Variants in SLC4A4 observed in about 807,000 individuals in gnomAD.
The protein encoded by SLC4A4 is electrogenic sodium bicarbonate cotransporter 1.
Under a neutral mutation model 111.5 loss-of-function variants are expected in SLC4A4, and 27 were observed. The ratio of observed to expected loss-of-function variants is 0.24; its 90% confidence interval spans 0.18 to 0.33. The LOEUF (loss-of-function observed/expected upper bound fraction) is 0.33, where lower values mean the gene tolerates loss of function less well. Among genes scored for constraint, SLC4A4 ranks in the 10% least tolerant of loss-of-function variants. SLC4A4 has a pLI of 1.00. For synonymous variants in SLC4A4, 443 were observed against 463.4 expected (o/e 0.96, Z 0.57); for missense variants, 909 against 1,315.5 (o/e 0.69, Z 4.78).
chr4:71,355,081 T>TA (rs1730169305), intron 5 of SLC4A4, among the ~76,000 whole-genome samples: 1 of 152,240 alleles, frequency 6.6e-6, no homozygotes, highest in Admixed American at 6.5e-5. Flanking sequence ...ATGAAGGGCA[T>TA]AAAGCCACAC....
chr4:71,551,593 G>A (rs1476896403), intron 20 of SLC4A4, among the ~76,000 whole-genome samples: 1 of 151,874 alleles, frequency 6.6e-6, no homozygotes, highest in African/African-American at 2.4e-5. Context: ...AAATAATAGA[G>A]TCAAAATGTG....
intron 3 of SLC4A4, among the ~76,000 whole-genome samples, chr4:71,305,772 A>T (rs1381676319): frequency 6.6e-6 from 1 of 152,228 alleles, no homozygotes; most frequent in Non-Finnish European, 1.5e-5. Flanking sequence ...AAAGGAGCTA[A>T]CACGTGGCGT....
At chr4:71,223,758 C>T (rs541471181) in intron 1 of SLC4A4, among the ~76,000 whole-genome samples, 1 of 152,052 alleles carries the variant, frequency 6.6e-6, no homozygotes, top group Non-Finnish European at 1.5e-5. Flanking sequence ...CTTTTAGGAG[C>T]TCGGGTCCTC....
intron 1 of SLC4A4, among the ~76,000 whole-genome samples, chr4:71,211,976 G>A (rs796685114): frequency 6.6e-6 from 1 of 152,000 alleles, no homozygotes; most frequent in Non-Finnish European, 1.5e-5. Flanking sequence ...CCAAATTCAC[G>A]GATGTGATGA....
rs914154829 is a variant in SLC4A4, at chr4:71,569,411, G to A, written c.*1660G>A. ...CAGGATGCAAAGGCAATTATTCTTTGTAAGCGGGACATTTAGAATATATTT... is the reference window on the plus strand; with the variant it reads ...CAGGATGCAAAGGCAATTATTCTTTATAAGCGGGACATTTAGAATATATTT... On this transcript the variant is annotated 3_prime_UTR_variant, in exon 26 of 26. Transcript: ENST00000264485. The A allele has an allele frequency of 1.3e-5, 2 of 151,502 alleles. No individual in the cohort carries two copies. Among genetic ancestry groups the A allele is most frequent in the African/African-American group, 2.4e-5 (1 of 41,314 alleles). The allele number at this position is 151,502 out of a possible 1,614,324, so 9.4% of individuals were successfully genotyped here. A position where few individuals can be genotyped will look rare whatever the true frequency, so the allele number is the denominator to read the frequency against.
chr4:71,117,194 C>T (rs1006790422), intron 2 of SLC4A4, among the ~76,000 whole-genome samples: 3 of 152,148 alleles, frequency 2.0e-5, no homozygotes, highest in Admixed American at 6.5e-5. Flanking sequence ...GTTGTGCAGG[C>T]GGATCTCGAA....
chr4:71,175,550 G>A (rs149882251), intron 2 of SLC4A4, among the ~76,000 whole-genome samples: 203 of 152,354 alleles, frequency 1.3e-3, no homozygotes, highest in African/African-American at 4.8e-3. Flanking sequence ...GTGGCTTGGA[G>A]GGTCCTACGC....
At chr4:71,371,188 T>C (rs1731837447) in intron 6 of SLC4A4, among the ~76,000 whole-genome samples, 1 of 151,522 alleles carries the variant, frequency 6.6e-6, no homozygotes, top group Non-Finnish European at 1.5e-5. Flanking sequence ...TTGTCCTATA[T>C]CATGGAAAAT....
rs559007076 is a variant in SLC4A4 at position 71,416,015 on chromosome 4, G to A, written c.807+18362G>A. Among the ~76,000 whole-genome samples the A allele has an allele frequency of 7.2e-5, 11 of 152,246 alleles. No homozygotes were observed. The South Asian group carries it at 1.5e-3, about 20-fold the overall frequency. Reference sequence around the variant, plus strand: ...AAAGAAATGAAGTCATTTGTCCAGCGTCCCTCAGCTAATAAATGGAAGAAC... The same window carrying A: ...AAAGAAATGAAGTCATTTGTCCAGCATCCCTCAGCTAATAAATGGAAGAAC... On this transcript the variant is annotated intron_variant, in intron 7 of 25. Coordinates refer to ENST00000264485, the MANE Select transcript of SLC4A4 (RefSeq NM_001098484.3).
Position 71,440,746 on chromosome 4 carries a change from C to A in SLC4A4, c.938C>A (p.Ala313Asp). ...CTACAGCAGGCTGTCATGCTGGGTGCCCTGACTGAAGTTCCTGTGCCCACA... is the reference window on the plus strand; with the variant it reads ...CTACAGCAGGCTGTCATGCTGGGTGACCTGACTGAAGTTCCTGTGCCCACA... ...VRLQQAVMLG[A>D]LTEVPVPTRF... Residue 313 changes from alanine (A) to aspartate (D), a missense_variant, in exon 8 of 26, where the codon GCC becomes GAC. Around this residue, in one of 7 missense-constraint regions of SLC4A4, gnomAD observed 312 missense variants for 402.0 expected, o/e 0.78. Transcript: ENST00000264485. The A allele has an allele frequency of 6.2e-7, 1 of 1,614,102 alleles. No individual in the cohort carries two copies. Among genetic ancestry groups the A allele is most frequent in the Non-Finnish European group, 8.5e-7 (1 of 1,179,990 alleles).
intron 16 of SLC4A4, among the ~76,000 whole-genome samples, chr4:71,505,037 A>G (rs968058668): frequency 6.6e-6 from 1 of 152,106 alleles, no homozygotes; most frequent in African/African-American, 2.4e-5. Flanking sequence ...AGCTCCATCC[A>G]TGTCCCTGCA....
At chr4:71,159,027 A>G (rs982606544) in intron 2 of SLC4A4, among the ~76,000 whole-genome samples, 1 of 152,252 alleles carries the variant, frequency 6.6e-6, no homozygotes, top group African/African-American at 2.4e-5. Context: ...ATTAAAAAAT[A>G]AAATAACAAA....
At position 71,486,974 on chromosome 4, in the gene SLC4A4, A is replaced by G; in HGVS notation, c.1930A>G (p.Thr644Ala). The G allele has an allele frequency of 6.2e-7, 1 of 1,602,966 alleles. No individual in the cohort carries two copies. The highest frequency in any genetic ancestry group is 1.1e-5 in the South Asian group (1 of 90,720). The change falls in exon 15 of 26, where the codon ACA (threonine) becomes GCA (alanine). Residue 644 changes from threonine to alanine, a missense_variant. This residue lies in a region of SLC4A4 where 264 missense variants were observed against 356.8 expected (regional missense o/e 0.74). Coordinates refer to ENST00000264485, the MANE Select transcript of SLC4A4 (RefSeq NM_001098484.3). Reference protein sequence around the residue: ...PANISISNDTTLAPEYLPTMS... With the variant: ...PANISISNDTALAPEYLPTMS... ...TAATATCTCAATATCTAATGACACC[A>G]CACTGGCCCCAGAGTATTTGCCAAC...
chr4:71,510,526 A>C (rs1156976334), intron 16 of SLC4A4, among the ~76,000 whole-genome samples: 3 of 151,644 alleles, frequency 2.0e-5, no homozygotes, highest in Non-Finnish European at 4.4e-5. Flanking sequence ...TTTTACTTAC[A>C]ATTTATTTTA....
chr4:71,308,521 A>AGACAGGGGGT (rs1725873793), intron 3 of SLC4A4, among the ~76,000 whole-genome samples: 1 of 152,050 alleles, frequency 6.6e-6, no homozygotes, highest in Non-Finnish European at 1.5e-5. Context: ...CAACTGAGGT[A>AGACAGGGGGT]GCCAGTTCAT....
At chr4:71,411,438 A>G (rs1033396322) in intron 7 of SLC4A4, among the ~76,000 whole-genome samples, 2 of 151,712 alleles carry the variant, frequency 1.3e-5, no homozygotes, top group African/African-American at 4.9e-5. Context: ...CTTTTCTACC[A>G]TGACACCTAC....
chr4:71,314,683 T>C (rs900330957), intron 3 of SLC4A4, among the ~76,000 whole-genome samples: 1 of 152,060 alleles, frequency 6.6e-6, no homozygotes, highest in Non-Finnish European at 1.5e-5. Context: ...GACCCAACAC[T>C]GCATATTTTC....
chr4:71,086,486 T>G (rs1348269418), intron 1 of SLC4A4, among the ~76,000 whole-genome samples: 3 of 152,062 alleles, frequency 2.0e-5, no homozygotes. Flanking sequence ...TTGTGCCAGT[T>G]TTCAAAGGGA....
At chr4:71,329,012 G>A (rs1727729755) in intron 3 of SLC4A4, among the ~76,000 whole-genome samples, 2 of 152,002 alleles carry the variant, frequency 1.3e-5, no homozygotes, top group African/African-American at 4.8e-5. Flanking sequence ...AGAGATAAGG[G>A]TCTAGTTTTA....
Sources: allele counts gnomAD v4.1 joint callset (sites outside exome capture counted in the v4.1 genomes callset), GRCh38; gene constraint gnomAD v4.1.1; regional missense constraint gnomAD v4.1.1; transcripts MANE v1.5; gene names NCBI Gene and HGNC (gene_info 2026-07-23, HGNC 2026-07-21).